Variants in PRSS3 observed in about 807,000 individuals in gnomAD.
The protein encoded by PRSS3 is trypsin-3.
A neutral mutation model predicts 20.8 loss-of-function variants in PRSS3; 14 were observed. The ratio of observed to expected loss-of-function variants is 0.67; its 90% CI spans 0.44 to 1.05. The LOEUF is 1.05. Among genes scored for constraint, PRSS3 ranks in the 50% least tolerant of loss-of-function variants. The pLI, the probability that PRSS3 is intolerant of heterozygous loss-of-function variation, is 0.00. For synonymous variants in PRSS3, 91 were observed against 117.6 expected (o/e 0.77, Z 1.46); for missense variants, 237 against 306.4 (o/e 0.77, Z 1.69).
chr9:33,789,471 T>C (rs1017125871), intron 1 of PRSS3, among the ~76,000 whole-genome samples: 9 of 152,192 alleles, frequency 5.9e-5, no homozygotes, highest in Non-Finnish European at 8.8e-5. Flanking sequence ...AATAATATTC[T>C]TTGTTAACTG....
At chr9:33,785,793 G>C (rs990147033) in intron 1 of PRSS3, among the ~76,000 whole-genome samples, 1 of 152,154 alleles carries the variant, frequency 6.6e-6, no homozygotes, top group Non-Finnish European at 1.5e-5. Flanking sequence ...GTATGTGTTG[G>C]GGGAGGAATG....
chr9:33,762,952 A>G (rs1404468187), intron 1 of PRSS3, among the ~76,000 whole-genome samples: 1 of 152,246 alleles, frequency 6.6e-6, no homozygotes, highest in African/African-American at 2.4e-5. Context: ...TAAGCCTCAC[A>G]GGACCCCTCC....
intron 1 of PRSS3, among the ~76,000 whole-genome samples, chr9:33,765,259 C>T (rs1220403587): frequency 1.3e-5 from 2 of 152,022 alleles, no homozygotes; most frequent in African/African-American, 4.8e-5. Flanking sequence ...GATGTATATA[C>T]CTATGATAAA....
intron 1 of PRSS3, among the ~76,000 whole-genome samples, chr9:33,787,809 T>C (rs1824473601): frequency 6.6e-6 from 1 of 152,224 alleles, no homozygotes; most frequent in Non-Finnish European, 1.5e-5. Flanking sequence ...CACTGCATCT[T>C]GGGCTACACT....
chr9:33,787,418 G>C (rs781681606), intron 1 of PRSS3, among the ~76,000 whole-genome samples: 1 of 152,158 alleles, frequency 6.6e-6, no homozygotes, highest in South Asian at 2.1e-4. Context: ...GTGGTCCAGA[G>C]GTTTGGGGCA....
In PRSS3 at chr9:33,785,209, G is replaced by GCTCTGT. The variant is rs1824346865; in HGVS notation, c.-52-9535_-52-9530dup. 4.2e-5 allele frequency among the ~76,000 whole-genome samples: 4 copies of GCTCTGT among 96,370 alleles called. No homozygotes were observed. In the South Asian group the frequency reaches 1.6e-3, roughly 38 times the overall value. 63.2% of individuals were successfully genotyped at this position (96,370 alleles called of 152,430 possible). A position where few individuals can be genotyped will look rare whatever the true frequency, so the allele number is the denominator to read the frequency against. ...TTTTTTTTTTTTGAGACGGAGTCTC[G>GCTCTGT]CTCTGTCGCCCAGGCTGGAGTGCAG... On this transcript the variant is annotated intron_variant, in intron 1 of 5. Transcript: ENST00000342836.
At chr9:33,779,982 T>C (rs563570751) in intron 1 of PRSS3, among the ~76,000 whole-genome samples, 12 of 151,096 alleles carry the variant, frequency 7.9e-5, no homozygotes, top group African/African-American at 2.9e-4. Flanking sequence ...AGTAAGCAAT[T>C]TCAAAAATGT....
At chr9:33,791,442 G>A (rs150982130), upstream of PRSS3, among the ~76,000 whole-genome samples, 600 of 152,288 alleles carry the variant, frequency 3.9e-3, 3 homozygotes, top group African/African-American at 0.013. Flanking sequence ...ACTTTTATAA[G>A]CTAAATGAGT....
chr9:33,755,356 C>T (rs1222151818), intron 1 of PRSS3, among the ~76,000 whole-genome samples: 1 of 152,026 alleles, frequency 6.6e-6, no homozygotes, highest in Non-Finnish European at 1.5e-5. Context: ...GTATAGAACC[C>T]TAGTGGCAAT....
chr9:33,779,863 TGTC>T (rs1824102553), intron 1 of PRSS3, among the ~76,000 whole-genome samples: 1 of 75,252 alleles, frequency 1.3e-5, no homozygotes. Context: ...AGCGAGACTC[TGTC>T]TAAAAAAAAA....
At chr9:33,797,788 C>T in intron 2 of PRSS3, 41 bp from the exon 3 acceptor site, 1 of 1,614,238 alleles carries the variant, frequency 6.2e-7, no homozygotes, top group Non-Finnish European at 8.5e-7. Context: ...GGTGCCCAGG[C>T]TGTGGGAGAA....
intron 1 of PRSS3, among the ~76,000 whole-genome samples, chr9:33,777,531 C>CAAAAAAAAAAAAAAAA (rs74180503): frequency 9.8e-6 from 1 of 101,864 alleles, no homozygotes; most frequent in Non-Finnish European, 1.9e-5. Context: ...CTAAAAATAC[C>CAAAAAAAAAAAAAAAA]AAAAAAAAAA....
chr9:33,769,704 C>A (rs190407237), intron 1 of PRSS3, among the ~76,000 whole-genome samples: 227 of 152,316 alleles, frequency 1.5e-3, no homozygotes, highest in African/African-American at 4.9e-3. Context: ...GATTCAGGGG[C>A]AGGACTGGTG....
chr9:33,752,140 C>G (rs561647613), intron 1 of PRSS3, among the ~76,000 whole-genome samples: 1 of 152,118 alleles, frequency 6.6e-6, no homozygotes, highest in Non-Finnish European at 1.5e-5. Context: ...AAACAGTGCC[C>G]CCACTTACTT....
chr9:33,783,872 A>G (rs1451164120), intron 1 of PRSS3, among the ~76,000 whole-genome samples: 1 of 148,998 alleles, frequency 6.7e-6, no homozygotes, highest in Admixed American at 6.7e-5. Flanking sequence ...CCTGAGCGAC[A>G]GAGCTAGACT....
upstream of PRSS3, chr9:33,795,472 T>G (rs1824864275): frequency 6.6e-7 from 1 of 1,517,718 alleles, no homozygotes; most frequent in Non-Finnish European, 9.1e-7. Context: ...GTGTTTGTGC[T>G]GGGAAGAACT....
upstream of PRSS3, chr9:33,794,639 C>G: frequency 2.2e-6 from 3 of 1,350,530 alleles, no homozygotes; most frequent in Non-Finnish European, 2.9e-6. Context: ...AGATGGTAAC[C>G]CAGATTTACC....
At chr9:33,760,153 T>C (rs937279718) in intron 1 of PRSS3, among the ~76,000 whole-genome samples, 5 of 152,042 alleles carry the variant, frequency 3.3e-5, no homozygotes, top group African/African-American at 1.2e-4. Context: ...GAGTTAAGGA[T>C]AGTGTTAATT....
intron 1 of PRSS3, among the ~76,000 whole-genome samples, chr9:33,788,771 A>T (rs1358829780): frequency 2.0e-5 from 3 of 152,154 alleles, no homozygotes; most frequent in African/African-American, 7.2e-5. Flanking sequence ...GATGGCCAGA[A>T]GTATAGCTAT....
Sources: allele counts gnomAD v4.1 joint callset (sites outside exome capture counted in the v4.1 genomes callset), GRCh38; gene constraint gnomAD v4.1.1; transcripts MANE v1.5; gene names NCBI Gene and HGNC (gene_info 2026-07-23, HGNC 2026-07-21).